The following CCT8 variants were observed in gnomAD, a reference collection of about 807,000 sequenced individuals.
The protein encoded by CCT8 is T-complex protein 1 subunit theta.
Under a neutral mutation model 65.7 loss-of-function variants are expected in CCT8, and 10 were observed. That is an observed-to-expected ratio of 0.15 (90% confidence interval 0.09 to 0.26). The LOEUF (loss-of-function observed/expected upper bound fraction) is 0.26. CCT8 is among the 10% of genes least tolerant of loss of function. CCT8 has a pLI of 1.00. For synonymous variants in CCT8, 199 were observed against 221.8 expected (o/e 0.90, Z 0.92); for missense variants, 568 against 669.1 (o/e 0.85, Z 1.67).
intron 1 of CCT8, among the ~76,000 whole-genome samples, chr21:29,071,254 T>C (rs1003434440): frequency 6.6e-6 from 1 of 152,206 alleles, no homozygotes; most frequent in Non-Finnish European, 1.5e-5. Context: ...AGTAGCTACA[T>C]GTGGGTAGTG....
At chr21:29,067,192 C>T (rs961356159) in intron 4 of CCT8, 121 bp from the exon 5 acceptor site, 17 of 718,940 alleles carry the variant, frequency 2.4e-5, no homozygotes, top group Non-Finnish European at 3.8e-5. Flanking sequence ...CGGAATAAAA[C>T]ATATAGTAGA....
At chr21:29,066,343 C>G (rs535975569) in intron 6 of CCT8, among the ~76,000 whole-genome samples, 146 of 152,194 alleles carry the variant, frequency 9.6e-4, no homozygotes, top group Middle Eastern at 3.4e-3. Flanking sequence ...GAGTTCGAGA[C>G]CAGCCTGACC....
chr21:29,063,266 G>C, intron 8 of CCT8, 86 bp downstream of exon 8: 1 of 1,021,940 alleles, frequency 9.8e-7, no homozygotes, highest in Non-Finnish European at 1.5e-6. Flanking sequence ...TTTATTAACA[G>C]TCTTCATGGT....
intron 2 of CCT8, among the ~76,000 whole-genome samples, chr21:29,069,945 C>G (rs535109454): frequency 4.6e-5 from 7 of 152,176 alleles, no homozygotes; most frequent in Non-Finnish European, 8.8e-5. Flanking sequence ...CTTCCTTAAA[C>G]TATGTCACTT....
chr21:29,065,181 A>G, intron 6 of CCT8, 76 bp from the exon 7 acceptor site: 1 of 1,450,758 alleles, frequency 6.9e-7, no homozygotes. Context: ...TTCTCCATAT[A>G]CCAAAAATAT....
intron 3 of CCT8, among the ~76,000 whole-genome samples, chr21:29,068,797 T>C (rs771036329): frequency 2.6e-4 from 40 of 152,216 alleles, no homozygotes; most frequent in Non-Finnish European, 5.1e-4. Context: ...TAGAAAAATG[T>C]TGATTCTTCT....
intron 14 of CCT8, chr21:29,060,085 C>CA (rs34402188): frequency 0.019 from 2,271 of 121,758 alleles, 22 homozygotes; most frequent in South Asian, 0.029. Flanking sequence ...CACAATTCTT[C>CA]AAAAAAAAAA....
At chr21:29,058,452 GAAAC>G (rs760428442) in intron 14 of CCT8, among the ~76,000 whole-genome samples, 38 of 152,048 alleles carry the variant, frequency 2.5e-4, no homozygotes, top group South Asian at 6.2e-4. Context: ...AGAAAAAAAA[GAAAC>G]AAACACTAAA....
chr21:29,064,013 C>T (rs907296290), intron 7 of CCT8, among the ~76,000 whole-genome samples: 1 of 152,092 alleles, frequency 6.6e-6, no homozygotes, highest in African/African-American at 2.4e-5. Context: ...GATTTGCCTG[C>T]CTTGGCCTAT....
At chr21:29,069,281 A>G in intron 3 of CCT8, 142 bp downstream of exon 3, 1 of 477,712 alleles carries the variant, frequency 2.1e-6, no homozygotes, top group Non-Finnish European at 3.7e-6. Flanking sequence ...ACTCTTTATA[A>G]TTAGAACAAT....
rs570410962 is a variant in CCT8 at position 29,063,253 on chromosome 21, C to T, written c.941+99G>A. 305 of 900,174 alleles carry T rather than the reference C, an allele frequency of 3.4e-4. No individual in the cohort carries two copies. In the East Asian group the frequency reaches 4.5e-3, roughly 13 times the overall value. 55.8% of individuals were successfully genotyped at this position (900,174 alleles called of 1,614,324 possible). A position where few individuals can be genotyped will look rare whatever the true frequency, so the allele number is the denominator to read the frequency against. ...CTATTTGACCTAGTACCTTTACTTT[C>T]CCTTTATTAACAGTCTTCATGGTCT... On this transcript the variant is annotated intron_variant, in intron 8 of 14. Transcript: ENST00000286788.
At chr21:29,059,802 G>A (rs1601087784) in intron 14 of CCT8, 1 of 151,944 alleles carries the variant, frequency 6.6e-6, no homozygotes, top group Non-Finnish European at 1.5e-5. Flanking sequence ...ACCACCAACT[G>A]GTCCTTACTG....
In CCT8 at chr21:29,061,373, C is replaced by T. The variant is rs759687517; in HGVS notation, c.1329G>A (p.Glu443=). Residue 443 remains glutamate, a synonymous_variant, in exon 13 of 15, where the codon GAG becomes GAA. Transcript: ENST00000286788. ...LEQYAIKKFA[E]AFEAIPRALA... ...GTGCGCGGGGAATAGCTTCAAATGC[C>T]TCAGCAAACTTCTTAATAGCATACT... 1.2e-6 allele frequency: 2 copies of T among 1,614,014 alleles called. No homozygotes were observed. Among genetic ancestry groups the T allele is most frequent in the East Asian group, 2.2e-5 (1 of 44,882 alleles).
At chr21:29,057,613 T>A (rs919338660) in intron 14 of CCT8, among the ~76,000 whole-genome samples, 28 of 127,928 alleles carry the variant, frequency 2.2e-4, no homozygotes, top group Middle Eastern at 4.0e-3. Flanking sequence ...AAACTAAAAA[T>A]ATATATATAT....
In CCT8 at chr21:29,073,595, A is replaced by G. The variant is rs1429887588; in HGVS notation, c.-5T>C. On this transcript the variant is annotated 5_prime_UTR_variant, in exon 1 of 15. Coordinates refer to ENST00000286788, the MANE Select transcript of CCT8 (RefSeq NM_006585.4). The stretch of plus-strand genomic sequence containing the variant: ...CTTGGGAACGTGAAGCGCCATGGCC[A>G]GCCTGCAGGAAGCAGTTCACGCGAC... The G allele has an allele frequency of 1.2e-6, 2 of 1,614,062 alleles. No homozygotes were observed. The highest frequency in any genetic ancestry group is 1.1e-5 in the South Asian group (1 of 91,084).
chr21:29,067,120 A>AC lies in CCT8; in HGVS notation c.382-50_382-49insG, dbSNP rs200022038. The AC allele has an allele frequency of 1.2e-3, 1,659 of 1,422,990 alleles. 31 individuals are homozygous for AC. The East Asian group carries it at 0.033, about 28-fold the overall frequency. The allele number at this position is 1,422,990 out of a possible 1,614,324, so 88.1% of individuals were successfully genotyped here. ...ATTCTGACATGACTTAAAGTAGCTT[A>AC]TTTTGGTAACCCAATGCATATGGAT... is the stretch of plus-strand genomic sequence containing the variant. On this transcript the variant is annotated intron_variant, in intron 4 of 14. Coordinates refer to ENST00000286788, the MANE Select transcript of CCT8 (RefSeq NM_006585.4).
intron 6 of CCT8, 33 bp downstream of exon 6, chr21:29,066,683 T>C: frequency 7.1e-7 from 1 of 1,415,212 alleles, no homozygotes; most frequent in Non-Finnish European, 9.7e-7. Flanking sequence ...AAAACTGACC[T>C]AGATATGTAG....
intron 1 of CCT8, 121 bp downstream of exon 1, chr21:29,073,410 C>G (rs972177097): frequency 7.1e-6 from 11 of 1,538,470 alleles, no homozygotes; most frequent in Non-Finnish European, 9.6e-6. Flanking sequence ...GGAATCTTCT[C>G]TTCCCCCGGC....
intron 14 of CCT8, among the ~76,000 whole-genome samples, chr21:29,057,690 TCATA>T (rs140128365): frequency 0.027 from 2,259 of 84,708 alleles, 52 homozygotes; most frequent in African/African-American, 0.065. Context: ...GATACATATA[TCATA>T]CATATATCAT....
Sources: allele counts gnomAD v4.1 joint callset (sites outside exome capture counted in the v4.1 genomes callset), GRCh38; gene constraint gnomAD v4.1.1; transcripts MANE v1.5; gene names NCBI Gene and HGNC (gene_info 2026-07-23, HGNC 2026-07-21).